SI: variants seen among roughly 807,000 people sequenced by gnomAD.
SI encodes sucrase-isomaltase.
Under a neutral mutation model 253.3 loss-of-function variants are expected in SI, and 235 were observed. That is an observed-to-expected ratio of 0.93 (90% CI 0.83 to 1.03). The LOEUF is 1.03. SI is among the 50% of genes least tolerant of loss of function. SI has a pLI of 0.00. For missense variants in SI, 2,442 were observed against 2,211.1 expected (o/e 1.10, Z -2.09); for synonymous variants, 819 against 712.0 (o/e 1.15, Z -2.39).
the SI span, among the ~76,000 whole-genome samples, chr3:165,089,325 G>A: frequency 1.3e-5 from 2 of 151,928 alleles, no homozygotes; most frequent in Non-Finnish European, 2.9e-5. Flanking sequence ...TGGGAGAGAG[G>A]GTTAAGAAGA....
At chr3:164,996,508 C>T (rs78437999) in intron 40 of SI, 27 bp downstream of exon 40, 145,730 of 1,195,028 alleles carry the variant, frequency 0.12, 9,662 homozygotes, top group South Asian at 0.18. Context: ...TAAGAAAATA[C>T]TGAAAGTAAA....
At chr3:164,987,570 G>A (rs914159424) in intron 44 of SI, among the ~76,000 whole-genome samples, 10 of 152,066 alleles carry the variant, frequency 6.6e-5, no homozygotes, top group South Asian at 4.1e-4. Flanking sequence ...TTAGCTGGGC[G>A]TGGTGGCAGA....
At chr3:164,998,324 T>A (rs1051566139) in intron 38 of SI, among the ~76,000 whole-genome samples, 1 of 151,796 alleles carries the variant, frequency 6.6e-6, no homozygotes, top group African/African-American at 2.4e-5. Flanking sequence ...AATGACACCA[T>A]TTCCTCAAAA....
At chr3:165,043,659 A>G (rs1179471558) in intron 16 of SI, among the ~76,000 whole-genome samples, 1 of 152,050 alleles carries the variant, frequency 6.6e-6, no homozygotes, top group East Asian at 1.9e-4. Flanking sequence ...TACCCATGTA[A>G]GACTGCATTA....
At chr3:165,070,599 T>C (rs1714512944) in intron 3 of SI, among the ~76,000 whole-genome samples, 1 of 151,784 alleles carries the variant, frequency 6.6e-6, no homozygotes, top group African/African-American at 2.4e-5. Flanking sequence ...TATGAAAGAT[T>C]TGTATATAAA....
At chr3:165,089,247 G>C in the SI span, among the ~76,000 whole-genome samples, 1 of 152,030 alleles carries the variant, frequency 6.6e-6, no homozygotes, top group African/African-American at 2.4e-5. Context: ...TAAAACTAAT[G>C]AAAGAGCAAA....
chr3:164,979,696 T>A (rs1023045697), intron 47 of SI, among the ~76,000 whole-genome samples: 6 of 151,730 alleles, frequency 4.0e-5, no homozygotes, highest in African/African-American at 1.4e-4. Context: ...CTCAGCCAAT[T>A]TTATTGATTT....
intron 7 of SI, 118 bp downstream of exon 7, chr3:165,065,143 A>AAGCTAAACAAGCTTCTATATTCTATATTG: frequency 3.0e-6 from 2 of 676,480 alleles, no homozygotes; most frequent in Non-Finnish European, 5.1e-6. Flanking sequence ...TATTGGTATC[A>AAGCTAAACAAGCTTCTATATTCTATATTG]GTGACATTCA....
intron 26 of SI, among the ~76,000 whole-genome samples, chr3:165,022,726 A>T (rs1711692934): frequency 6.6e-6 from 1 of 151,606 alleles, no homozygotes; most frequent in Non-Finnish European, 1.5e-5. Flanking sequence ...TTCTTTACCC[A>T]TTGCTGAATT....
intron 2 of SI, 25 bp from the exon 3 acceptor site, chr3:165,074,692 A>C: frequency 6.3e-7 from 1 of 1,581,108 alleles, no homozygotes; most frequent in Non-Finnish European, 8.7e-7. Context: ...AACTCAATAA[A>C]ATAAAACATG....
At chr3:165,049,984 C>A in intron 13 of SI, 109 bp from the exon 14 acceptor site, 2 of 709,490 alleles carry the variant, frequency 2.8e-6, no homozygotes, top group South Asian at 3.2e-5. Context: ...CCATAATGCT[C>A]GTTAATTCCT....
chr3:165,086,787 G>A, the SI span, among the ~76,000 whole-genome samples: 7 of 152,154 alleles, frequency 4.6e-5, no homozygotes, highest in Admixed American at 2.0e-4. Context: ...CCATGCAAGT[G>A]AGTAAGGAGT....
At chr3:164,985,010 A>T (rs1478698809) in intron 45 of SI, among the ~76,000 whole-genome samples, 2 of 152,192 alleles carry the variant, frequency 1.3e-5, no homozygotes, top group African/African-American at 4.8e-5. Context: ...ATTGTGAAAC[A>T]TAACAAAATA....
intron 44 of SI, among the ~76,000 whole-genome samples, chr3:164,990,079 A>T (rs551938300): frequency 2.3e-4 from 35 of 152,198 alleles, no homozygotes; most frequent in African/African-American, 7.5e-4. Flanking sequence ...TCTTTGGGTG[A>T]TAAGTGTTAG....
intron 40 of SI, among the ~76,000 whole-genome samples, chr3:164,996,027 T>G (rs980563774): frequency 6.6e-6 from 1 of 151,822 alleles, no homozygotes; most frequent in African/African-American, 2.4e-5. Flanking sequence ...TCAAGTTATG[T>G]CTCTATTGTC....
chr3:165,065,605 A>C (rs1458275333), intron 6 of SI, among the ~76,000 whole-genome samples, 173 bp from the exon 7 acceptor site: 1 of 150,156 alleles, frequency 6.7e-6, no homozygotes, highest in Non-Finnish European at 1.5e-5. Flanking sequence ...TACCCCATAA[A>C]AGAAATTTGT....
rs372704754 is a variant in SI at position 164,983,098 on chromosome 3, G to A, written c.5198-47C>T. The A allele has an allele frequency of 2.0e-6, 3 of 1,505,758 alleles. No homozygotes were observed. In the African/African-American group the frequency reaches 4.1e-5, roughly 21 times the overall value. The allele number at this position is 1,505,758 out of a possible 1,614,324, so 93.3% of individuals were successfully genotyped here. A position where few individuals can be genotyped will look rare whatever the true frequency, so the allele number is the denominator to read the frequency against. On this transcript the variant is annotated intron_variant, in intron 45 of 47. Coordinates refer to ENST00000264382, the MANE Select transcript of SI (RefSeq NM_001041.4). ...GTGATATATTGTTATTTCCAAAGAA[G>A]AACCATAGTAAATACCTGTATACTT...
chr3:164,982,917 C>A, intron 46 of SI, 85 bp downstream of exon 46: 1 of 1,311,378 alleles, frequency 7.6e-7, no homozygotes, highest in Non-Finnish European at 1.1e-6. Context: ...TCCCAATGAA[C>A]TAGGATTACA....
chr3:165,052,517 G>A (rs955769999), intron 13 of SI, among the ~76,000 whole-genome samples: 4 of 152,070 alleles, frequency 2.6e-5, no homozygotes, highest in African/African-American at 4.8e-5. Flanking sequence ...TTAGCTGGGC[G>A]TGGTGAAGTG....
Sources: gnomAD v4.1 joint callset for allele counts (sites outside exome capture counted in the v4.1 genomes callset) on GRCh38, gnomAD v4.1.1 for gene constraint, MANE v1.5 for transcripts, NCBI Gene and HGNC (gene_info 2026-07-23, HGNC 2026-07-21) for gene names.